Variants in LPCAT3 observed in about 807,000 individuals in gnomAD.
The protein encoded by LPCAT3 is lysophosphatidylcholine acyltransferase 3.
A neutral mutation model predicts 63.4 loss-of-function variants in LPCAT3; 21 were observed. The ratio of observed to expected loss-of-function variants is 0.33; its 90% CI spans 0.23 to 0.48. The LOEUF is 0.48. LPCAT3 is among the 20% of genes least tolerant of loss of function. LPCAT3 has a pLI of 0.99. For missense variants in LPCAT3, 451 were observed against 590.6 expected (o/e 0.76, Z 2.45); for synonymous variants, 242 against 227.5 (o/e 1.06, Z -0.58).
intron 7 of LPCAT3, 86 bp downstream of exon 7, chr12:6,979,385 A>G: frequency 1.0e-6 from 1 of 980,124 alleles, no homozygotes; most frequent in East Asian, 2.4e-5. Flanking sequence ...GATATTTCCT[A>G]CTTCTCTGCT....
In LPCAT3 at chr12:6,978,514, G is replaced by A; in HGVS notation, c.874-7C>T. 1 of 1,612,210 alleles carries A rather than the reference G, an allele frequency of 6.2e-7. No individual in the cohort carries two copies. Among genetic ancestry groups the A allele is most frequent in the East Asian group, 2.2e-5 (1 of 44,836 alleles). On this transcript the variant is annotated splice_region_variant and splice_polypyrimidine_tract_variant and intron_variant, in intron 8 of 12. Transcript: ENST00000261407. The stretch of plus-strand genomic sequence containing the variant: ...TCAAAATGCATACTCCTTCCTGAGA[G>A]GGAATAGCTCAGTTAGGGCTCTTGC...
At chr12:6,991,491 T>C (rs1946590206) in intron 1 of LPCAT3, among the ~76,000 whole-genome samples, 1 of 152,186 alleles carries the variant, frequency 6.6e-6, no homozygotes, top group African/African-American at 2.4e-5. Flanking sequence ...AGAATACATA[T>C]CAAAAAATCA....
chr12:6,997,682 G>A (rs181746029), intron 1 of LPCAT3, among the ~76,000 whole-genome samples: 128 of 151,976 alleles, frequency 8.4e-4, no homozygotes, highest in African/African-American at 3.1e-3. Context: ...TGCCTCCTGG[G>A]TTCAAGTGAT....
chr12:7,014,394 G>C (rs1946784246), intron 1 of LPCAT3, among the ~76,000 whole-genome samples: 1 of 152,122 alleles, frequency 6.6e-6, no homozygotes, highest in South Asian at 2.1e-4. Context: ...TTGAAGGGGA[G>C]ATGTTTTCTG....
In LPCAT3 at chr12:7,017,736, T is replaced by C. The variant is rs1373251084; in HGVS notation, c.151+538A>G. ...GGCTTGGAAAATAAAAAAAGCAACA[T>C]GGTATAAAAAGAAAATAGTAGGACT... On this transcript the variant is annotated intron_variant, in intron 1 of 12. Coordinates refer to ENST00000261407, the MANE Select transcript of LPCAT3 (RefSeq NM_005768.6). This position sits in a 1 kb window ranked among gnomAD's most constrained non-coding sequence, Gnocchi z 4.1. Among the ~76,000 whole-genome samples the C allele has an allele frequency of 6.6e-6, 1 of 151,880 alleles. No homozygotes were observed. Among genetic ancestry groups the C allele is most frequent in the African/African-American group, 2.4e-5 (1 of 41,386 alleles).
intron 1 of LPCAT3, among the ~76,000 whole-genome samples, chr12:7,014,892 C>CAGAAAAAAAAA (rs1946788072): frequency 1.7e-5 from 1 of 57,618 alleles, no homozygotes; most frequent in Non-Finnish European, 3.7e-5. Flanking sequence ...GACTCCGTCT[C>CAGAAAAAAAAA]AAAAAAAAAA....
At chr12:7,001,956 G>A (rs1443020592) in intron 1 of LPCAT3, among the ~76,000 whole-genome samples, 1 of 152,138 alleles carries the variant, frequency 6.6e-6, no homozygotes, top group Non-Finnish European at 1.5e-5. Context: ...TCGGGGGGGA[G>A]TTGAGGTAAC....
rs782514016 is a variant in LPCAT3 at position 6,977,768 on chromosome 12, C to T, written c.1041-23G>A. The T allele has an allele frequency of 2.2e-5, 36 of 1,613,220 alleles. No individual in the cohort carries two copies. Among genetic ancestry groups the T allele is most frequent in the East Asian group, 4.5e-5 (2 of 44,880 alleles). Reference sequence around the variant, plus strand: ...TAGCTGGAGAAAAGGGTGGGTGGGGCGACCCTCAAACTGACTGGTCCTTGC... The same window carrying T: ...TAGCTGGAGAAAAGGGTGGGTGGGGTGACCCTCAAACTGACTGGTCCTTGC... On this transcript the variant is annotated intron_variant, in intron 9 of 12. Transcript: ENST00000261407. This position sits in a 1 kb window ranked among gnomAD's most constrained non-coding sequence, Gnocchi z 4.5.
chr12:7,002,681 A>G lies in LPCAT3; in HGVS notation c.151+15593T>C, dbSNP rs139153398. Among the ~76,000 whole-genome samples, 48 of 152,302 alleles carry G rather than the reference A, an allele frequency of 3.2e-4. 1 individual carries two copies. In the East Asian group the frequency reaches 9.1e-3, roughly 29 times the overall value. ...TGTTGGGTTCTCTCACCCTTTTTAT[A>G]TCCCTTCAAAAGAAAATACAAGTTT... On this transcript the variant is annotated intron_variant, in intron 1 of 12. Coordinates refer to ENST00000261407, the MANE Select transcript of LPCAT3 (RefSeq NM_005768.6).
chr12:7,000,320 G>A (rs1344752374), intron 1 of LPCAT3, among the ~76,000 whole-genome samples: 10 of 151,578 alleles, frequency 6.6e-5, no homozygotes, highest in East Asian at 2.0e-4. Context: ...GGCCGGGCGC[G>A]GTGGCTCATG....
rs782041747 is a variant in LPCAT3 at position 6,977,480 on chromosome 12, C to T, written c.1234G>A (p.Ala412Thr). The T allele has an allele frequency of 1.1e-5, 17 of 1,614,174 alleles. No individual in the cohort carries two copies. The highest frequency in any genetic ancestry group is 8.0e-5 in the African/African-American group (6 of 75,046). ...TAGAAGGGCTGGAGGACAGTAATGG[C>T]GGCCAGCTTGCTCAGGGTGGGGCTC... The part of the protein sequence containing the change: ...QESPTLSKLA[A>T]ITVLQPFYYL... The change falls in exon 11 of 13, where the codon GCC becomes ACC. Residue 412 changes from alanine (A) to threonine (T), a missense_variant. This residue lies in a region of LPCAT3 where 304 missense variants were observed against 390.8 expected (regional missense o/e 0.78). Coordinates refer to ENST00000261407, the MANE Select transcript of LPCAT3 (RefSeq NM_005768.6). This position sits in a 1 kb window ranked among gnomAD's most constrained non-coding sequence, Gnocchi z 4.5.
chr12:6,992,726 A>G (rs1946600455), intron 1 of LPCAT3, among the ~76,000 whole-genome samples: 1 of 151,952 alleles, frequency 6.6e-6, no homozygotes, highest in South Asian at 2.1e-4. Flanking sequence ...TGTGTTTTCA[A>G]TCTTTTTGAA....
intron 7 of LPCAT3, chr12:6,979,047 C>T: frequency 3.3e-6 from 1 of 305,108 alleles, no homozygotes; most frequent in Non-Finnish European, 6.1e-6. Context: ...AATTACTGAA[C>T]TGTTTTCAAG....
At chr12:7,009,630 A>G (rs1946748681) in intron 1 of LPCAT3, among the ~76,000 whole-genome samples, 1 of 152,194 alleles carries the variant, frequency 6.6e-6, no homozygotes, top group Admixed American at 6.5e-5. Context: ...GAGAAAATAA[A>G]TATTTATTGA....
chr12:6,998,714 G>C (rs907607685), intron 1 of LPCAT3, among the ~76,000 whole-genome samples: 3 of 152,222 alleles, frequency 2.0e-5, no homozygotes, highest in Non-Finnish European at 4.4e-5. Context: ...CTGTTCACTA[G>C]ATTAAGCCTT....
At chr12:7,001,611 TGACAGGTAGGCA>T (rs1946688275) in intron 1 of LPCAT3, 1 of 424,312 alleles carries the variant, frequency 2.4e-6, no homozygotes, top group African/African-American at 2.0e-5. Flanking sequence ...GGGCTGGGGC[TGACAGGTAGGCA>T]GAGTTGGCTG....
chr12:6,977,323 T>C lies in LPCAT3; in HGVS notation c.1347+44A>G, dbSNP rs1946416382. 1.2e-6 allele frequency: 2 copies of C among 1,612,768 alleles called. No individual in the cohort carries two copies. Among genetic ancestry groups the C allele is most frequent in the Non-Finnish European group, 1.7e-6 (2 of 1,178,888 alleles). Reference sequence around the variant, plus strand: ...GGAGTGTCCTTTGCAACCTTTGAGGTTGCAGTGAGTCCCTCCCAGTCTCAC... The same window carrying C: ...GGAGTGTCCTTTGCAACCTTTGAGGCTGCAGTGAGTCCCTCCCAGTCTCAC... On this transcript the variant is annotated intron_variant, in intron 11 of 12. Transcript: ENST00000261407. This position sits in a 1 kb window ranked among gnomAD's most constrained non-coding sequence, Gnocchi z 4.5.
At position 7,013,823 on chromosome 12, in the gene LPCAT3, G is replaced by A. The variant is rs192308173; in HGVS notation, c.151+4451C>T. On this transcript the variant is annotated intron_variant, in intron 1 of 12. Transcript: ENST00000261407. The stretch of plus-strand genomic sequence containing the variant: ...TGCTGACTTCAAATCACCCCAGGCT[G>A]TATTATCTTTTTAAATACAGCTCCA... Among the ~76,000 whole-genome samples, 853 of 152,264 alleles carry A rather than the reference G, an allele frequency of 5.6e-3. 5 individuals are homozygous for A. Among genetic ancestry groups the A allele is most frequent in the Non-Finnish European group, 9.4e-3 (637 of 68,024 alleles).
At chr12:7,012,129 C>A (rs142811544) in intron 1 of LPCAT3, among the ~76,000 whole-genome samples, 4 of 152,192 alleles carry the variant, frequency 2.6e-5, no homozygotes, top group Non-Finnish European at 4.4e-5. Context: ...TTTGATCAGT[C>A]TAACAGCCAA....
Sources: gnomAD v4.1 joint callset for allele counts (sites outside exome capture counted in the v4.1 genomes callset) on GRCh38, gnomAD v4.1.1 for gene constraint, gnomAD v4.1.1 regional missense constraint, Gnocchi (gnomAD v3.1) non-coding constraint, MANE v1.5 for transcripts, NCBI Gene and HGNC (gene_info 2026-07-23, HGNC 2026-07-21) for gene names.